The following SPAG16 variants were observed in gnomAD, a reference collection of about 807,000 sequenced individuals.
SPAG16 encodes the protein sperm associated antigen 16.
SPAG16 carries 86 observed loss-of-function variants against 80.4 expected under a neutral mutation model. That is an observed-to-expected ratio of 1.07 (90% confidence interval 0.90 to 1.28). The LOEUF is 1.28. Ranked by LOEUF, SPAG16 falls within the 50% of genes most tolerant of loss-of-function variation. The pLI, the probability that SPAG16 is intolerant of heterozygous loss-of-function variation, is 0.00. For synonymous variants in SPAG16, 294 were observed against 265.9 expected, an observed-to-expected ratio of 1.11 and a Z score of -1.03; for missense variants, 870 against 765.3, an observed-to-expected ratio of 1.14 and a Z score of -1.61.
chr2:213,782,480 C>G (rs1485683576), intron 10 of SPAG16, among the ~76,000 whole-genome samples: 2 of 152,164 alleles, frequency 1.3e-5, no homozygotes, highest in African/African-American at 4.8e-5. Flanking sequence ...ACTTCAGCAA[C>G]TTTCAATGAA....
chr2:213,701,832 T>A (rs1304660156), intron 10 of SPAG16, among the ~76,000 whole-genome samples: 1 of 152,012 alleles, frequency 6.6e-6, no homozygotes, highest in African/African-American at 2.4e-5. Context: ...AACGTGACAA[T>A]CAGCACTCTG....
At chr2:213,802,379 C>T (rs1328065767) in intron 10 of SPAG16, among the ~76,000 whole-genome samples, 1 of 150,626 alleles carries the variant, frequency 6.6e-6, no homozygotes, top group East Asian at 2.0e-4. Context: ...TTACTTAAAA[C>T]CCAAATGATT....
chr2:213,643,199 C>G (rs930813620), intron 10 of SPAG16, among the ~76,000 whole-genome samples: 1 of 150,584 alleles, frequency 6.6e-6, no homozygotes, highest in African/African-American at 2.4e-5. Context: ...AGAGTATTTT[C>G]ACTGGATATG....
At chr2:213,804,691 AACTAACTAACTAAC>A (rs2071645561) in intron 10 of SPAG16, among the ~76,000 whole-genome samples, 1 of 98,314 alleles carries the variant, frequency 1.0e-5, no homozygotes, top group African/African-American at 2.9e-5. Context: ...TCAACTAACT[AACTAACTAACTAAC>A]TAACTAACTA....
chr2:214,174,267 T>G (rs1032324610), intron 15 of SPAG16, among the ~76,000 whole-genome samples: 2 of 151,832 alleles, frequency 1.3e-5, no homozygotes, highest in African/African-American at 4.8e-5. Context: ...GGGTATTCAA[T>G]TAGGAAAAGA....
chr2:214,236,969 C>T (rs751906502), intron 15 of SPAG16, among the ~76,000 whole-genome samples: 12 of 152,116 alleles, frequency 7.9e-5, no homozygotes, highest in Non-Finnish European at 1.3e-4. Flanking sequence ...CGCATTCTCC[C>T]CAGAGTGACA....
At chr2:214,291,519 A>G (rs1693802484) in intron 15 of SPAG16, among the ~76,000 whole-genome samples, 1 of 151,014 alleles carries the variant, frequency 6.6e-6, no homozygotes, top group African/African-American at 2.4e-5. Context: ...TTTAGCCGGG[A>G]TGGTCTCGAT....
intron 11 of SPAG16, among the ~76,000 whole-genome samples, chr2:213,928,688 G>A (rs920252420): frequency 6.6e-6 from 1 of 152,082 alleles, no homozygotes; most frequent in African/African-American, 2.4e-5. Flanking sequence ...CATTTACTAA[G>A]CACTTTAATT....
At chr2:213,423,338 A>G (rs1354983771) in intron 9 of SPAG16, among the ~76,000 whole-genome samples, 1 of 152,240 alleles carries the variant, frequency 6.6e-6, no homozygotes, top group African/African-American at 2.4e-5. Flanking sequence ...AACATTAGAT[A>G]TAAACAAATA....
chr2:214,359,170 G>A (rs10178106), intron 15 of SPAG16, among the ~76,000 whole-genome samples: 147,651 of 151,942 alleles, frequency 0.97, 71,912 homozygotes, highest in Middle Eastern at 1. Flanking sequence ...AGTATTTGAC[G>A]TGTATCAAAT....
chr2:213,631,900 T>C (rs551975934), intron 10 of SPAG16, among the ~76,000 whole-genome samples: 2 of 152,222 alleles, frequency 1.3e-5, no homozygotes, highest in African/African-American at 2.4e-5. Context: ...GTAGTATCAT[T>C]TGATGACAGG....
At chr2:213,421,678 A>G (rs1471865834) in intron 9 of SPAG16, among the ~76,000 whole-genome samples, 1 of 152,164 alleles carries the variant, frequency 6.6e-6, no homozygotes, top group African/African-American at 2.4e-5. Context: ...TTCTGAGCCC[A>G]TAAAAGCCCC....
intron 15 of SPAG16, among the ~76,000 whole-genome samples, chr2:214,404,577 T>C (rs1356642393): frequency 2.6e-5 from 4 of 152,186 alleles, no homozygotes; most frequent in African/African-American, 9.7e-5. Flanking sequence ...TTGAGAATCA[T>C]TTCAGTGGTC....
At chr2:213,349,618 A>C (rs2065211632) in intron 6 of SPAG16, among the ~76,000 whole-genome samples, 1 of 152,198 alleles carries the variant, frequency 6.6e-6, no homozygotes, top group African/African-American at 2.4e-5. Flanking sequence ...GGCCTTATTC[A>C]TGATAGCCCA....
At chr2:213,519,775 AAT>A (rs1261735457) in intron 10 of SPAG16, among the ~76,000 whole-genome samples, 1 of 152,142 alleles carries the variant, frequency 6.6e-6, no homozygotes, top group Non-Finnish European at 1.5e-5. Flanking sequence ...ACAAAAAAAA[AAT>A]GAAAGCACAC....
At position 213,990,292 on chromosome 2, in the gene SPAG16, G is replaced by C. The variant is rs550256193; in HGVS notation, c.1401-23659G>C. Among the ~76,000 whole-genome samples the C allele has an allele frequency of 2.6e-5, 4 of 152,142 alleles. No homozygotes were observed. The South Asian group carries it at 8.3e-4, about 32-fold the overall frequency. On this transcript the variant is annotated intron_variant, in intron 12 of 15. Transcript: ENST00000331683. ...TAAAATACTAGAGTTGTATTATTGT[G>C]GAGAAAGACTGTATTAGAGCTAAGA...
chr2:214,005,360 G>A (rs2046982777), intron 12 of SPAG16, among the ~76,000 whole-genome samples: 1 of 152,214 alleles, frequency 6.6e-6, no homozygotes, highest in South Asian at 2.1e-4. Context: ...TCCTGCCCGT[G>A]TTCCAGGTAC....
chr2:213,345,669 T>G (rs1185055656), intron 6 of SPAG16, among the ~76,000 whole-genome samples: 2 of 143,258 alleles, frequency 1.4e-5, no homozygotes, highest in Non-Finnish European at 3.0e-5. Flanking sequence ...TTTGTCAGGT[T>G]TGTCAAAGAT....
intron 14 of SPAG16, among the ~76,000 whole-genome samples, chr2:214,113,014 C>T (rs2053754569): frequency 6.6e-6 from 1 of 152,172 alleles, no homozygotes; most frequent in African/African-American, 2.4e-5. Context: ...TAAGGCAGGC[C>T]CGGGTGGTGA....
Sources: gnomAD v4.1 joint callset for allele counts (sites outside exome capture counted in the v4.1 genomes callset) on GRCh38, gnomAD v4.1.1 for gene constraint, MANE v1.5 for transcripts, NCBI Gene and HGNC (gene_info 2026-07-23, HGNC 2026-07-21) for gene names.